The following FLT3 variants were observed in gnomAD, a reference collection of about 807,000 sequenced individuals.
FLT3 encodes the protein fms related receptor tyrosine kinase 3.
In FLT3, 46 loss-of-function variants were observed where a neutral mutation model predicts 126.6. The observed-to-expected ratio is 0.36, with a 90% CI of 0.29 to 0.46. The LOEUF (loss-of-function observed/expected upper bound fraction) is 0.46, where lower values mean the gene tolerates loss of function less well. Among genes scored for constraint, FLT3 ranks in the 20% least tolerant of loss-of-function variants. The pLI is 1.00. For synonymous variants in FLT3, 404 were observed against 434.4 expected (o/e 0.93, Z 0.87); for missense variants, 1,069 against 1,190.3 (o/e 0.90, Z 1.50).
intron 4 of FLT3, among the ~76,000 whole-genome samples, chr13:28,054,460 G>A (rs367721085): frequency 1.8e-4 from 27 of 151,268 alleles, no homozygotes; most frequent in African/African-American, 6.5e-4. Flanking sequence ...GGTGGCTCAC[G>A]CCTGTAATCC....
At position 28,035,676 on chromosome 13, in the gene FLT3, G is replaced by GA. The variant is rs552505380; in HGVS notation, c.1419-4dup. On this transcript the variant is annotated splice_region_variant and splice_polypyrimidine_tract_variant and intron_variant, in intron 11 of 23. Coordinates refer to ENST00000241453, the MANE Select transcript of FLT3 (RefSeq NM_004119.3). Reference sequence around the variant, plus strand: ...CTTCTGTGATCTCTTCTGTGCAGCTGAAAAAAAAAATAGCAAAGAATTTAG... The same window carrying GA: ...CTTCTGTGATCTCTTCTGTGCAGCTGAAAAAAAAAAATAGCAAAGAATTTAG... 3,263 of 1,337,622 alleles carry GA rather than the reference G, an allele frequency of 2.4e-3. 9 individuals are homozygous for GA. Among genetic ancestry groups the GA allele is most frequent in the South Asian group, 0.014 (995 of 71,356 alleles). 82.9% of individuals were successfully genotyped at this position (1,337,622 alleles called of 1,614,324 possible).
chr13:28,086,215 C>T (rs1878661401), intron 1 of FLT3, among the ~76,000 whole-genome samples: 1 of 152,026 alleles, frequency 6.6e-6, no homozygotes, highest in African/African-American at 2.4e-5. Context: ...AAAATGATTC[C>T]ACTTTATTTC....
intron 9 of FLT3, among the ~76,000 whole-genome samples, chr13:28,045,125 T>C (rs1003152834): frequency 1.1e-4 from 16 of 152,308 alleles, no homozygotes; most frequent in Middle Eastern, 3.4e-3. Context: ...TGGGTATGGA[T>C]TGTAGCCATG....
intron 15 of FLT3, among the ~76,000 whole-genome samples, chr13:28,028,612 G>T (rs1873025932): frequency 1.3e-5 from 2 of 152,152 alleles, no homozygotes; most frequent in South Asian, 4.1e-4. Flanking sequence ...CAGGAGAATC[G>T]CTTGAATGTG....
intron 19 of FLT3, among the ~76,000 whole-genome samples, chr13:28,018,968 C>CTTT (rs371765349): frequency 5.1e-5 from 7 of 138,474 alleles, no homozygotes; most frequent in East Asian, 2.1e-4. Context: ...CATCTCTTTT[C>CTTT]TTTTTTTTTT....
chr13:28,087,981 T>G (rs1428270076), intron 1 of FLT3, among the ~76,000 whole-genome samples: 4 of 152,236 alleles, frequency 2.6e-5, no homozygotes, highest in African/African-American at 4.8e-5. Flanking sequence ...TGATGTCATT[T>G]CTGGGTCCCT....
intron 9 of FLT3, among the ~76,000 whole-genome samples, chr13:28,041,466 T>C (rs1359922622): frequency 2.0e-5 from 3 of 152,218 alleles, no homozygotes; most frequent in African/African-American, 7.2e-5. Flanking sequence ...CAGTCTTTTG[T>C]GCTGTCTTAA....
chr13:28,037,110 AC>A (rs1873906461), intron 10 of FLT3, 74 bp downstream of exon 10: 8 of 882,458 alleles, frequency 9.1e-6, no homozygotes, highest in Non-Finnish European at 1.5e-5. Context: ...CCATTACTTA[AC>A]TTTTCCTAGT....
chr13:28,032,242 A>T (rs901096460), intron 15 of FLT3, among the ~76,000 whole-genome samples: 1 of 152,222 alleles, frequency 6.6e-6, no homozygotes, highest in South Asian at 2.1e-4. Context: ...AGACATCCAA[A>T]CATTTAACAT....
At chr13:28,053,360 T>C (rs916309752) in intron 4 of FLT3, among the ~76,000 whole-genome samples, 4 of 147,538 alleles carry the variant, frequency 2.7e-5, no homozygotes, top group Non-Finnish European at 5.9e-5. Flanking sequence ...CCTCTCTCCT[T>C]ACAATAAATT....
At chr13:28,022,142 A>G (rs1019306240) in intron 19 of FLT3, among the ~76,000 whole-genome samples, 1 of 151,846 alleles carries the variant, frequency 6.6e-6, no homozygotes, top group East Asian at 1.9e-4. Context: ...GGCTCAAGCA[A>G]TCCTCCCACC....
chr13:28,038,599 C>T lies in FLT3; in HGVS notation c.1206-1311G>A, dbSNP rs1874057544. ...TCCGGAGTAGCTGGGACTACAGGCT[C>T]CTGCCACCACGCCCGGCTAATTTTT... On this transcript the variant is annotated intron_variant, in intron 9 of 23. Transcript: ENST00000241453. Among the ~76,000 whole-genome samples the T allele has an allele frequency of 3.3e-5, 5 of 151,928 alleles. No individual in the cohort carries two copies. In the South Asian group the frequency reaches 1.0e-3, roughly 32 times the overall value.
intron 11 of FLT3, 56 bp downstream of exon 11, chr13:28,035,879 A>G (rs1566072858): frequency 5.0e-6 from 7 of 1,391,764 alleles, no homozygotes; most frequent in South Asian, 1.2e-5. Context: ...GAAAGAGTCA[A>G]TAGGTCAGAG....
intron 9 of FLT3, among the ~76,000 whole-genome samples, chr13:28,040,189 A>G (rs1327574692): frequency 1.3e-5 from 2 of 152,210 alleles, no homozygotes; most frequent in Admixed American, 1.3e-4. Flanking sequence ...AGAATTTACA[A>G]TTTGGTGGTG....
intron 19 of FLT3, 37 bp downstream of exon 19, chr13:28,023,313 T>G: frequency 6.7e-7 from 1 of 1,500,586 alleles, no homozygotes; most frequent in Non-Finnish European, 9.0e-7. Flanking sequence ...TTTTCAAATC[T>G]TTTTTTTGGT....
intron 1 of FLT3, among the ~76,000 whole-genome samples, chr13:28,074,021 T>C (rs1285241197): frequency 3.3e-5 from 5 of 151,922 alleles, no homozygotes; most frequent in African/African-American, 1.2e-4. Context: ...CTCTCAAAAG[T>C]TTCCTTATGA....
chr13:28,032,482 T>C (rs1233929022), intron 15 of FLT3, among the ~76,000 whole-genome samples: 1 of 152,216 alleles, frequency 6.6e-6, no homozygotes, highest in African/African-American at 2.4e-5. Context: ...TGGTGGCGCA[T>C]GCCTGTAGTC....
chr13:28,034,439 A>G, intron 12 of FLT3, 32 bp from the exon 13 acceptor site: 1 of 1,442,848 alleles, frequency 6.9e-7, no homozygotes. Flanking sequence ...CAGCGATGAA[A>G]CAGAATTCCT....
Position 28,035,946 on chromosome 13 carries a change from G to A in FLT3, c.1407C>T (p.Asp469=), listed in dbSNP as rs1275666670. ...LPSWTWKKCS[D]KSPNCTEEIT... The stretch of plus-strand genomic sequence containing the variant: ...AATGTCCTTATTACTTGGGAGACTT[G>A]TCTGAACACTTCTTCCAGGTCCAAG... Residue 469 remains aspartate (D), a synonymous_variant, in exon 11 of 24, where the codon GAC becomes GAT. Transcript: ENST00000241453. 6.2e-7 allele frequency: 1 copy of A among 1,613,014 alleles called. No individual in the cohort carries two copies. The highest frequency in any genetic ancestry group is 2.2e-5 in the East Asian group (1 of 44,886).
Sources: gnomAD v4.1 joint callset for allele counts (sites outside exome capture counted in the v4.1 genomes callset) on GRCh38, gnomAD v4.1.1 for gene constraint, MANE v1.5 for transcripts, NCBI Gene and HGNC (gene_info 2026-07-23, HGNC 2026-07-21) for gene names.